Variants in TOX observed in about 807,000 individuals in gnomAD.
The protein encoded by TOX is thymocyte selection-associated high mobility group box protein TOX.
Under a neutral mutation model 53.7 loss-of-function variants are expected in TOX, and 11 were observed. That is an observed-to-expected ratio of 0.20 (90% CI 0.13 to 0.34). TOX has a LOEUF of 0.34. Ranked by LOEUF, TOX falls within the 10% of genes least tolerant of loss-of-function variation. The pLI is 1.00. For synonymous variants in TOX, 225 were observed against 245.3 expected (o/e 0.92, Z 0.77); for missense variants, 570 against 664.6 (o/e 0.86, Z 1.56).
intron 1 of TOX, among the ~76,000 whole-genome samples, chr8:59,000,605 T>A (rs1430559198): frequency 6.6e-6 from 1 of 152,218 alleles, no homozygotes; most frequent in Non-Finnish European, 1.5e-5. Flanking sequence ...CCAGTATGTA[T>A]AATTAACTTG....
At chr8:58,862,427 C>A (rs1391119631) in intron 3 of TOX, among the ~76,000 whole-genome samples, 5 of 152,016 alleles carry the variant, frequency 3.3e-5, no homozygotes, top group Non-Finnish European at 5.9e-5. Flanking sequence ...AACTTTGAGT[C>A]ACATAAGGTC....
chr8:58,993,648 C>T (rs1813498071), intron 1 of TOX, among the ~76,000 whole-genome samples: 2 of 151,962 alleles, frequency 1.3e-5, no homozygotes, highest in South Asian at 4.2e-4. Flanking sequence ...GATGAAATAA[C>T]ATTTCACTTC....
At chr8:58,962,650 A>G (rs1003708458) in intron 1 of TOX, among the ~76,000 whole-genome samples, 1 of 152,214 alleles carries the variant, frequency 6.6e-6, no homozygotes, top group African/African-American at 2.4e-5. Context: ...CATTATCTCA[A>G]TGACACTTAG....
rs68047111 is a variant in TOX, at chr8:58,851,185, TCACACACA to T, written c.693+331_693+338del. The stretch of plus-strand genomic sequence containing the variant: ...CTCTCTCTCTCTCTCTCTCTCTCTC[TCACACACA>T]CACACACACACACACACACGACCTT... On this transcript the variant is annotated intron_variant, in intron 4 of 8. Coordinates refer to ENST00000361421, the MANE Select transcript of TOX (RefSeq NM_014729.3). This position sits in a 1 kb window ranked among gnomAD's most constrained non-coding sequence, Gnocchi z 4.4. 4.1e-4 allele frequency among the ~76,000 whole-genome samples: 58 copies of T among 140,822 alleles called. No homozygotes were observed. The highest frequency in any genetic ancestry group is 1.2e-3 in the East Asian group (6 of 4,880). The allele number at this position is 140,822 out of a possible 152,430, so 92.4% of individuals were successfully genotyped here. A position where few individuals can be genotyped will look rare whatever the true frequency, so the allele number is the denominator to read the frequency against.
intron 3 of TOX, among the ~76,000 whole-genome samples, chr8:58,922,403 A>G (rs187078953): frequency 9.2e-5 from 14 of 152,370 alleles, no homozygotes; most frequent in African/African-American, 3.4e-4. Flanking sequence ...ACATATGCAT[A>G]CCTAACTCCT....
At chr8:58,865,728 G>T (rs1163138471) in intron 3 of TOX, among the ~76,000 whole-genome samples, 1 of 151,394 alleles carries the variant, frequency 6.6e-6, no homozygotes, top group Non-Finnish European at 1.5e-5. Flanking sequence ...GGAGTCGTTA[G>T]TAGAGATTTT....
chr8:58,949,821 T>C (rs1279168000), intron 2 of TOX, among the ~76,000 whole-genome samples: 1 of 151,108 alleles, frequency 6.6e-6, no homozygotes, highest in African/African-American at 2.4e-5. Flanking sequence ...GCTCTTTCTA[T>C]ATGTATATAA....
At chr8:58,977,172 GTTC>G (rs1429113599) in intron 1 of TOX, among the ~76,000 whole-genome samples, 2 of 152,206 alleles carry the variant, frequency 1.3e-5, no homozygotes, top group African/African-American at 4.8e-5. Flanking sequence ...ATCTTAGCTA[GTTC>G]TTCTGAATAA....
intron 1 of TOX, among the ~76,000 whole-genome samples, chr8:59,012,095 A>G (rs1813917173): frequency 6.6e-6 from 1 of 152,106 alleles, no homozygotes; most frequent in African/African-American, 2.4e-5. Flanking sequence ...TCCTCTCAAA[A>G]AAATGTGACC....
chr8:58,954,921 G>C (rs1178691655), intron 2 of TOX, among the ~76,000 whole-genome samples: 2 of 152,196 alleles, frequency 1.3e-5, no homozygotes, highest in Non-Finnish European at 2.9e-5. Flanking sequence ...TGAGGAAGCA[G>C]GTGGGAGGTG....
At chr8:59,069,307 C>T (rs973911479) in intron 1 of TOX, among the ~76,000 whole-genome samples, 1 of 152,146 alleles carries the variant, frequency 6.6e-6, no homozygotes, top group African/African-American at 2.4e-5. Flanking sequence ...TGGATGCTGG[C>T]TGGGGTCGCC....
At chr8:58,873,957 G>GTTTTTTTTTTTTTTTTT (rs1585873069) in intron 3 of TOX, among the ~76,000 whole-genome samples, 1 of 43,992 alleles carries the variant, frequency 2.3e-5, no homozygotes, top group African/African-American at 3.1e-4. Flanking sequence ...ATGCCAGGAA[G>GTTTTTTTTTTTTTTTTT]CTTTTTTTTT....
chr8:58,807,623 G>T lies in TOX; in HGVS notation c.*124C>A. ...GAGTGGGTGACCCACAAGCTCAAATGGTCCTAAGTGCTTAGCAACTTGTAT... is the reference window on the plus strand; with the variant it reads ...GAGTGGGTGACCCACAAGCTCAAATTGTCCTAAGTGCTTAGCAACTTGTAT... On this transcript the variant is annotated 3_prime_UTR_variant, in exon 9 of 9. Transcript: ENST00000361421. 4 of 1,010,956 alleles carry T rather than the reference G, an allele frequency of 4.0e-6. No homozygotes were observed. The highest frequency in any genetic ancestry group is 3.3e-5 in the South Asian group (2 of 60,260). The allele number at this position is 1,010,956 out of a possible 1,614,324, so 62.6% of individuals were successfully genotyped here. A position where few individuals can be genotyped will look rare whatever the true frequency, so the allele number is the denominator to read the frequency against.
chr8:58,959,816 C>A, intron 2 of TOX, 127 bp downstream of exon 2: 3 of 1,071,850 alleles, frequency 2.8e-6, no homozygotes, highest in South Asian at 1.4e-5. Flanking sequence ...GGCTTAAATG[C>A]TTTGTTTATA....
chr8:58,866,846 A>C (rs1241691533), intron 3 of TOX, among the ~76,000 whole-genome samples: 2 of 152,196 alleles, frequency 1.3e-5, no homozygotes. Flanking sequence ...GTTTAATGAT[A>C]TGGAAATAAG....
intron 2 of TOX, among the ~76,000 whole-genome samples, chr8:58,940,128 G>C (rs17233116): frequency 0.12 from 18,085 of 152,136 alleles, 1,399 homozygotes; most frequent in Non-Finnish European, 0.16. Flanking sequence ...TATTTTTATC[G>C]CAAAGATCTT....
intron 4 of TOX, among the ~76,000 whole-genome samples, chr8:58,839,864 T>C (rs926521586): frequency 6.6e-6 from 1 of 152,240 alleles, no homozygotes; most frequent in African/African-American, 2.4e-5. Flanking sequence ...TCTGTGGATA[T>C]GATTTCAGAG....
chr8:58,838,568 A>G lies in TOX; in HGVS notation c.694-257T>C, dbSNP rs117268048. 8.5e-5 allele frequency among the ~76,000 whole-genome samples: 13 copies of G among 152,136 alleles called. No individual in the cohort carries two copies. In the East Asian group the frequency reaches 1.4e-3, roughly 16 times the overall value. On this transcript the variant is annotated intron_variant, in intron 4 of 8. Coordinates refer to ENST00000361421, the MANE Select transcript of TOX (RefSeq NM_014729.3). ...TTGGCTCTTTTTATATTATTACACT[A>G]TTAAATACAACCCCTTAACATTCCT...
intron 1 of TOX, among the ~76,000 whole-genome samples, chr8:59,015,499 T>G (rs1452898721): frequency 6.6e-6 from 1 of 152,250 alleles, no homozygotes; most frequent in Admixed American, 6.5e-5. Context: ...AAAATGATAT[T>G]TATTTCCACA....
Sources: allele counts gnomAD v4.1 joint callset (sites outside exome capture counted in the v4.1 genomes callset), GRCh38; gene constraint gnomAD v4.1.1; non-coding constraint Gnocchi (gnomAD v3.1); transcripts MANE v1.5; gene names NCBI Gene and HGNC (gene_info 2026-07-23, HGNC 2026-07-21).